RBFOX1: variants seen among roughly 807,000 people sequenced by gnomAD.
RBFOX1 encodes the protein RNA binding fox-1 homolog 1.
In RBFOX1, 8 loss-of-function variants were observed where a neutral mutation model predicts 57.7. The observed-to-expected ratio is 0.14, with a 90% CI of 0.08 to 0.25. RBFOX1 has a LOEUF of 0.25. Ranked by LOEUF, RBFOX1 falls within the 10% of genes least tolerant of loss-of-function variation. The pLI is 1.00. For synonymous variants in RBFOX1, 326 were observed against 222.4 expected (o/e 1.47, Z -4.15); for missense variants, 611 against 548.5 (o/e 1.11, Z -1.14).
intron 1 of RBFOX1, among the ~76,000 whole-genome samples, chr16:5,459,299 T>C (rs922829034): frequency 1.3e-5 from 2 of 152,218 alleles, no homozygotes; most frequent in Admixed American, 6.5e-5. Flanking sequence ...ATGGCAGATA[T>C]AGCTCCAGCT....
intron 4 of RBFOX1, among the ~76,000 whole-genome samples, chr16:7,372,640 G>A (rs983732662): frequency 6.6e-6 from 1 of 152,024 alleles, no homozygotes; most frequent in Non-Finnish European, 1.5e-5. Flanking sequence ...AATGGTGGAG[G>A]GGCAGCCTGT....
At chr16:5,445,551 C>A (rs1407545788) in intron 1 of RBFOX1, among the ~76,000 whole-genome samples, 2 of 152,196 alleles carry the variant, frequency 1.3e-5, no homozygotes, top group South Asian at 4.1e-4. Flanking sequence ...GCATTGGACA[C>A]CCATTTCCTT....
chr16:6,410,934 C>G (rs1194879676), intron 2 of RBFOX1, among the ~76,000 whole-genome samples: 1 of 152,166 alleles, frequency 6.6e-6, no homozygotes, highest in Admixed American at 6.5e-5. Flanking sequence ...CATTTGTGGG[C>G]TGGCTAAGGA....
chr16:7,306,758 T>G (rs993017652), intron 4 of RBFOX1, among the ~76,000 whole-genome samples: 1 of 152,228 alleles, frequency 6.6e-6, no homozygotes, highest in Non-Finnish European at 1.5e-5. Flanking sequence ...TGGCCATTAC[T>G]GTCGTGATAG....
intron 12 of RBFOX1, among the ~76,000 whole-genome samples, chr16:7,656,639 A>G (rs1221686993): frequency 2.0e-5 from 3 of 152,170 alleles, no homozygotes; most frequent in Non-Finnish European, 4.4e-5. Flanking sequence ...GATTTGACTG[A>G]CGTCTTTACC....
chr16:6,495,555 TAAATG>T (rs2095748098), intron 2 of RBFOX1, among the ~76,000 whole-genome samples: 2 of 152,340 alleles, frequency 1.3e-5, no homozygotes, highest in East Asian at 1.9e-4. Context: ...AAAGAAATAA[TAAATG>T]AAACTGGGTA....
rs539346467 is a variant in RBFOX1 at position 6,553,871 on chromosome 16, AC to A, written c.-63-100730del. Among the ~76,000 whole-genome samples, 584 of 152,238 alleles carry A rather than the reference AC, an allele frequency of 3.8e-3. 9 individuals are homozygous for A. The highest frequency in any genetic ancestry group is 0.013 in the African/African-American group (544 of 41,538). ...TGAATTGACAAGAGTCCTTGGACTT[AC>A]CTTCCTGGGAGTCGGTTTTATAGAT... On this transcript the variant is annotated intron_variant, in intron 2 of 15. Coordinates refer to ENST00000550418, the MANE Select transcript of RBFOX1 (RefSeq NM_018723.4).
intron 4 of RBFOX1, among the ~76,000 whole-genome samples, chr16:5,886,615 C>T (rs957181863): frequency 1.3e-5 from 2 of 152,152 alleles, no homozygotes. Context: ...TGGCTGGGCG[C>T]GGTGGCTCAC....
At chr16:6,787,893 A>AT (rs1434498173) in intron 3 of RBFOX1, among the ~76,000 whole-genome samples, 2 of 152,178 alleles carry the variant, frequency 1.3e-5, no homozygotes, top group East Asian at 3.8e-4. Flanking sequence ...AAGTTTTAAT[A>AT]TTAATAGCCA....
chr16:7,473,417 T>C (rs564130075), intron 4 of RBFOX1, among the ~76,000 whole-genome samples: 1 of 148,110 alleles, frequency 6.8e-6, no homozygotes, highest in Non-Finnish European at 1.5e-5. Flanking sequence ...TAATGTTATA[T>C]ATACATAGTA....
chr16:7,596,644 C>G (rs1312212160), intron 8 of RBFOX1, among the ~76,000 whole-genome samples: 1 of 152,048 alleles, frequency 6.6e-6, no homozygotes, highest in Admixed American at 6.6e-5. Flanking sequence ...TCTTGATGCT[C>G]TATTTTTTTG....
At chr16:7,180,172 TATA>T (rs2082423356) in intron 4 of RBFOX1, among the ~76,000 whole-genome samples, 1 of 145,586 alleles carries the variant, frequency 6.9e-6, no homozygotes, top group Non-Finnish European at 1.6e-5. Context: ...ATTATTATAA[TATA>T]ATAATATCCA....
chr16:6,700,029 A>G (rs1028516024), intron 3 of RBFOX1, among the ~76,000 whole-genome samples: 1 of 152,108 alleles, frequency 6.6e-6, no homozygotes, highest in Non-Finnish European at 1.5e-5. Flanking sequence ...TTCTCTTACG[A>G]TTGGCAAGAA....
chr16:6,884,426 A>G (rs1345698231), intron 3 of RBFOX1, among the ~76,000 whole-genome samples: 1 of 152,200 alleles, frequency 6.6e-6, no homozygotes, highest in African/African-American at 2.4e-5. Context: ...TGAGGACAGT[A>G]AAGTCTCTGC....
chr16:7,171,091 C>A (rs1359492801), intron 4 of RBFOX1, among the ~76,000 whole-genome samples: 1 of 152,168 alleles, frequency 6.6e-6, no homozygotes, highest in African/African-American at 2.4e-5. Context: ...CAGCTCCATC[C>A]CAGCTTTCTT....
At chr16:5,950,184 G>C (rs895280069) in intron 4 of RBFOX1, among the ~76,000 whole-genome samples, 1 of 152,180 alleles carries the variant, frequency 6.6e-6, no homozygotes, top group Non-Finnish European at 1.5e-5. Context: ...AAAAGTGTGA[G>C]GCCTCTTGTT....
At chr16:5,397,391 C>A (rs1307569210) in intron 1 of RBFOX1, among the ~76,000 whole-genome samples, 1 of 152,182 alleles carries the variant, frequency 6.6e-6, no homozygotes, top group Non-Finnish European at 1.5e-5. Context: ...GATCAGGCAG[C>A]CACCTGGCAG....
intron 4 of RBFOX1, among the ~76,000 whole-genome samples, chr16:5,922,542 C>T (rs2058847618): frequency 6.6e-6 from 1 of 152,114 alleles, no homozygotes; most frequent in African/African-American, 2.4e-5. Context: ...GAATGGTCAC[C>T]ATCTCCCTGC....
At chr16:5,924,283 A>T (rs995532907) in intron 4 of RBFOX1, among the ~76,000 whole-genome samples, 2 of 152,138 alleles carry the variant, frequency 1.3e-5, no homozygotes, top group Non-Finnish European at 1.5e-5. Flanking sequence ...GTAAGAATGG[A>T]CTAATACACC....
Sources: gnomAD v4.1 joint callset for allele counts (sites outside exome capture counted in the v4.1 genomes callset) on GRCh38, gnomAD v4.1.1 for gene constraint, MANE v1.5 for transcripts, NCBI Gene and HGNC (gene_info 2026-07-23, HGNC 2026-07-21) for gene names.